The following ATG4C variants were observed in gnomAD, a reference collection of about 807,000 sequenced individuals.
ATG4C encodes autophagy related 4C cysteine peptidase.
ATG4C carries 56 observed loss-of-function variants against 57.6 expected under a neutral mutation model. The observed-to-expected ratio is 0.97, with a 90% confidence interval of 0.78 to 1.21. The LOEUF is 1.21. ATG4C is among the 50% of genes most tolerant of loss of function. The pLI, the probability that ATG4C is intolerant of heterozygous loss-of-function variation, is 0.00. For missense variants in ATG4C, 595 were observed against 529.8 expected (o/e 1.12, Z -1.21); for synonymous variants, 157 against 174.1 (o/e 0.90, Z 0.78).
chr1:62,791,976 T>C (rs1478340646), intron 1 of ATG4C, among the ~76,000 whole-genome samples: 1 of 152,228 alleles, frequency 6.6e-6, no homozygotes, highest in East Asian at 1.9e-4. Flanking sequence ...CGGTCTACCA[T>C]GTCAACTTGC....
Position 62,819,124 on chromosome 1 carries a change from A to G in ATG4C, c.514A>G (p.Lys172Glu). ...EASLSGEREF[K>E]TPTISLKETI... ...ATCACTTTCAGGGGAAAGAGAATTC[A>G]AAACCCCAACAATTTCTCTGAAGGA... The change falls in exon 5 of 11, where the codon AAA becomes GAA. Residue 172 changes from lysine (K) to glutamate (E), a missense_variant. Coordinates refer to ENST00000317868, the MANE Select transcript of ATG4C (RefSeq NM_032852.4). The G allele has an allele frequency of 2.5e-6, 4 of 1,613,378 alleles. No individual in the cohort carries two copies. Among genetic ancestry groups the G allele is most frequent in the Non-Finnish European group, 3.4e-6 (4 of 1,179,598 alleles).
intron 10 of ATG4C, among the ~76,000 whole-genome samples, chr1:62,849,331 A>G (rs971404633): frequency 1.3e-5 from 2 of 152,154 alleles, no homozygotes; most frequent in East Asian, 3.9e-4. Flanking sequence ...ATATTTTTAC[A>G]GGATATAGAA....
chr1:62,815,884 C>T (rs1244333102), intron 3 of ATG4C, among the ~76,000 whole-genome samples: 2 of 152,084 alleles, frequency 1.3e-5, no homozygotes. Flanking sequence ...GGGGTTTCAC[C>T]ATGTTGTCCA....
At position 62,819,212 on chromosome 1, in the gene ATG4C, TC is replaced by T. The variant is rs746075279; in HGVS notation, c.603del (p.Ser202LeufsTer16). ...MRNEVYHRKI[I>X]SWFGDSPLAL... ...AATGAAGTTTATCATAGGAAAATCATCTCTTGGTTTGGTGATTCCCCCTTGG... is the reference window on the plus strand; with the variant it reads ...AATGAAGTTTATCATAGGAAAATCATTCTTGGTTTGGTGATTCCCCCTTGG... On this transcript the variant is annotated frameshift_variant, in exon 5 of 11. Coordinates refer to ENST00000317868, the MANE Select transcript of ATG4C (RefSeq NM_032852.4). LOFTEE classifies it high-confidence loss of function. 4 of 1,613,582 alleles carry T rather than the reference TC, an allele frequency of 2.5e-6. No individual in the cohort carries two copies. In the Admixed American group the frequency reaches 6.7e-5, roughly 27 times the overall value.
At chr1:62,830,158 T>C (rs1378755228) in intron 7 of ATG4C, among the ~76,000 whole-genome samples, 1 of 152,126 alleles carries the variant, frequency 6.6e-6, no homozygotes, top group Non-Finnish European at 1.5e-5. Flanking sequence ...GTTACTAAAA[T>C]TTTGGAAGCA....
chr1:62,808,609 G>A (rs1335810364), intron 3 of ATG4C, among the ~76,000 whole-genome samples: 3 of 152,126 alleles, frequency 2.0e-5, no homozygotes, highest in African/African-American at 2.4e-5. Context: ...ATTCATAATA[G>A]TATACCTGTA....
At chr1:62,803,479 ATTG>A (rs1664749561) in intron 1 of ATG4C, among the ~76,000 whole-genome samples, 1 of 152,114 alleles carries the variant, frequency 6.6e-6, no homozygotes, top group African/African-American at 2.4e-5. Context: ...TGATAGGTTT[ATTG>A]TTGTATATTT....
chr1:62,848,490 C>A (rs1245379358), intron 10 of ATG4C, among the ~76,000 whole-genome samples: 3 of 152,110 alleles, frequency 2.0e-5, no homozygotes, highest in Non-Finnish European at 4.4e-5. Flanking sequence ...GTGATAAATT[C>A]TCTCAGCTTT....
intron 9 of ATG4C, chr1:62,835,304 T>G (rs1225298080): frequency 3.8e-6 from 1 of 266,472 alleles, no homozygotes; most frequent in East Asian, 1.1e-4. Context: ...TAGCCTTTAG[T>G]TAGGAAGTTT....
At chr1:62,835,011 GGTTA>G (rs1410777087) in intron 9 of ATG4C, among the ~76,000 whole-genome samples, 159 bp downstream of exon 9, 1 of 151,724 alleles carries the variant, frequency 6.6e-6, no homozygotes, top group East Asian at 1.9e-4. Flanking sequence ...AGTGGTCAAA[GGTTA>G]AGTACTTTGT....
intron 7 of ATG4C, among the ~76,000 whole-genome samples, chr1:62,830,201 T>G (rs1665795861): frequency 6.6e-6 from 1 of 152,178 alleles, no homozygotes; most frequent in Non-Finnish European, 1.5e-5. Flanking sequence ...TACTGTAATA[T>G]ATCAATGACA....
intron 1 of ATG4C, among the ~76,000 whole-genome samples, chr1:62,790,253 A>G (rs1557954340): frequency 6.6e-6 from 1 of 152,166 alleles, no homozygotes; most frequent in Non-Finnish European, 1.5e-5. Flanking sequence ...TTCATAGGAT[A>G]CCTTCAATTC....
intron 9 of ATG4C, among the ~76,000 whole-genome samples, 190 bp from the exon 10 acceptor site, chr1:62,841,238 A>G (rs994786009): frequency 2.9e-4 from 44 of 152,306 alleles, no homozygotes; most frequent in Non-Finnish European, 2.5e-4. Context: ...AAATATATAA[A>G]AATGTTGGCT....
intron 3 of ATG4C, among the ~76,000 whole-genome samples, chr1:62,808,996 A>G (rs535907234): frequency 5.3e-5 from 8 of 152,116 alleles, no homozygotes; most frequent in Non-Finnish European, 1.2e-4. Context: ...ACAGTGTCCC[A>G]ATCACGGCTC....
rs114640451 is a variant in ATG4C, at chr1:62,795,248, G to T, written c.-68-8471G>T. On this transcript the variant is annotated intron_variant, in intron 1 of 10. Transcript: ENST00000317868. Reference sequence around the variant, plus strand: ...TACTTATTGCTAGATGGGAGAGGCTGATTACCTTCACCTGCCCTTCTTGTA... The same window carrying T: ...TACTTATTGCTAGATGGGAGAGGCTTATTACCTTCACCTGCCCTTCTTGTA... Among the ~76,000 whole-genome samples, 892 of 152,290 alleles carry T rather than the reference G, an allele frequency of 5.9e-3. 7 individuals carry two copies. Among genetic ancestry groups the T allele is most frequent in the African/African-American group, 0.021 (861 of 41,568 alleles).
chr1:62,811,440 T>G (rs1444626922), intron 3 of ATG4C, among the ~76,000 whole-genome samples: 1 of 152,228 alleles, frequency 6.6e-6, no homozygotes, highest in Non-Finnish European at 1.5e-5. Flanking sequence ...GTATATAGTA[T>G]ATAAATCCAA....
At chr1:62,786,656 T>C (rs977424429) in intron 1 of ATG4C, among the ~76,000 whole-genome samples, 1 of 152,246 alleles carries the variant, frequency 6.6e-6, no homozygotes, top group African/African-American at 2.4e-5. Context: ...TTCAATCATT[T>C]AGCATTTATT....
chr1:62,789,685 C>T (rs1664205584), intron 1 of ATG4C, among the ~76,000 whole-genome samples: 1 of 152,016 alleles, frequency 6.6e-6, no homozygotes, highest in Non-Finnish European at 1.5e-5. Flanking sequence ...GGCGTGGTGG[C>T]GGGCGCCTGT....
intron 7 of ATG4C, among the ~76,000 whole-genome samples, chr1:62,829,616 T>G (rs1665777920): frequency 6.6e-6 from 1 of 152,118 alleles, no homozygotes; most frequent in Non-Finnish European, 1.5e-5. Context: ...TGAGATTATT[T>G]CTATAGCTAG....
Sources: gnomAD v4.1 joint callset for allele counts (sites outside exome capture counted in the v4.1 genomes callset) on GRCh38, gnomAD v4.1.1 for gene constraint, MANE v1.5 for transcripts, NCBI Gene and HGNC (gene_info 2026-07-23, HGNC 2026-07-21) for gene names.